SRBD1: variants seen among roughly 807,000 people sequenced by gnomAD.
SRBD1 encodes S1 RNA binding domain 1.
In SRBD1, 88 loss-of-function variants were observed where a neutral mutation model predicts 115.3. That is an observed-to-expected ratio of 0.76 (90% CI 0.64 to 0.91). The LOEUF (loss-of-function observed/expected upper bound fraction) is 0.91. Among genes scored for constraint, SRBD1 ranks in the 40% least tolerant of loss-of-function variants. SRBD1 has a pLI of 0.00. For missense variants in SRBD1, 1,385 were observed against 1,177.4 expected, an observed-to-expected ratio of 1.18 and a Z score of -2.58; for synonymous variants, 509 against 407.7, an observed-to-expected ratio of 1.25 and a Z score of -2.99.
At chr2:45,454,662 C>G (rs1386661703) in intron 16 of SRBD1, among the ~76,000 whole-genome samples, 1 of 151,734 alleles carries the variant, frequency 6.6e-6, no homozygotes, top group Non-Finnish European at 1.5e-5. Flanking sequence ...GTCTTATTGA[C>G]CAAACTCAAG....
At chr2:45,476,725 A>C (rs1669814319) in intron 16 of SRBD1, among the ~76,000 whole-genome samples, 1 of 152,226 alleles carries the variant, frequency 6.6e-6, no homozygotes, top group African/African-American at 2.4e-5. Flanking sequence ...CTCTCTCCAA[A>C]TTAGTTATTA....
chr2:45,595,194 C>T (rs1000661956), intron 4 of SRBD1, among the ~76,000 whole-genome samples: 1 of 152,108 alleles, frequency 6.6e-6, no homozygotes, highest in African/African-American at 2.4e-5. Flanking sequence ...CTATATAGTT[C>T]TGCCTCTCCA....
intron 14 of SRBD1, among the ~76,000 whole-genome samples, chr2:45,534,891 T>C (rs953934882): frequency 2.0e-5 from 3 of 152,004 alleles, no homozygotes; most frequent in Middle Eastern, 3.4e-3. Flanking sequence ...ACAGGGGAGA[T>C]CTGCTGCACA....
At chr2:45,412,934 G>T (rs1018511617) in intron 19 of SRBD1, among the ~76,000 whole-genome samples, 180 bp downstream of exon 19, 1 of 152,108 alleles carries the variant, frequency 6.6e-6, no homozygotes, top group Non-Finnish European at 1.5e-5. Flanking sequence ...AGGAGTAATG[G>T]TTTCATTCCT....
intron 16 of SRBD1, among the ~76,000 whole-genome samples, chr2:45,472,845 T>C (rs556223441): frequency 7.1e-4 from 108 of 152,304 alleles, no homozygotes; most frequent in Middle Eastern, 3.4e-3. Context: ...TCTTTCTTTT[T>C]CCTATTTCAT....
Position 45,510,510 on chromosome 2 carries a change from G to C in SRBD1, c.1875-22179C>G, listed in dbSNP as rs1350763512. 2.6e-5 allele frequency among the ~76,000 whole-genome samples: 4 copies of C among 152,024 alleles called. No individual in the cohort carries two copies. In the East Asian group the frequency reaches 7.7e-4, roughly 29 times the overall value. On this transcript the variant is annotated intron_variant, in intron 14 of 20. Coordinates refer to ENST00000263736, the MANE Select transcript of SRBD1 (RefSeq NM_018079.5). ...CACTGTGTTAGACTATTTTAGGTGA[G>C]GCTCCTATGAAAAAAACAGCCAAGC...
At chr2:45,515,985 C>T (rs17322405) in intron 14 of SRBD1, among the ~76,000 whole-genome samples, 51,743 of 151,922 alleles carry the variant, frequency 0.34, 9,743 homozygotes, top group Non-Finnish European at 0.43. Context: ...GCAGCCCCTG[C>T]CTTGCCCTCT....
At chr2:45,557,344 T>C (rs1412539079) in intron 10 of SRBD1, among the ~76,000 whole-genome samples, 1 of 152,192 alleles carries the variant, frequency 6.6e-6, no homozygotes, top group Admixed American at 6.5e-5. Flanking sequence ...AATGTATGTA[T>C]CTGATTTGTC....
At chr2:45,551,040 T>A in intron 12 of SRBD1, 85 bp downstream of exon 12, 2 of 1,467,884 alleles carry the variant, frequency 1.4e-6, no homozygotes, top group South Asian at 2.8e-5. Flanking sequence ...AAATTAACAT[T>A]ATTTCCAAAT....
At chr2:45,535,568 AT>A (rs1403544652) in intron 14 of SRBD1, among the ~76,000 whole-genome samples, 2 of 152,032 alleles carry the variant, frequency 1.3e-5, no homozygotes, top group Non-Finnish European at 2.9e-5. Context: ...ACAATTACCA[AT>A]AGTGGTATCA....
chr2:45,561,602 C>A (rs1181109792), intron 10 of SRBD1, among the ~76,000 whole-genome samples: 1 of 152,174 alleles, frequency 6.6e-6, no homozygotes, highest in Non-Finnish European at 1.5e-5. Flanking sequence ...CATCTCCTAG[C>A]TGCTAGGAAG....
At chr2:45,573,056 G>A (rs190097277) in intron 9 of SRBD1, 151 bp downstream of exon 9, 27 of 840,360 alleles carry the variant, frequency 3.2e-5, no homozygotes, top group African/African-American at 1.6e-4. Flanking sequence ...TTTGTGAAGC[G>A]GCAAGGATAT....
At chr2:45,562,085 G>A (rs1325640824) in intron 10 of SRBD1, among the ~76,000 whole-genome samples, 1 of 152,132 alleles carries the variant, frequency 6.6e-6, no homozygotes, top group East Asian at 1.9e-4. Context: ...CTTCTCCACA[G>A]AGATAATCAC....
intron 4 of SRBD1, among the ~76,000 whole-genome samples, chr2:45,596,569 C>T (rs1673900598): frequency 6.6e-6 from 1 of 152,088 alleles, no homozygotes; most frequent in Non-Finnish European, 1.5e-5. Flanking sequence ...TTTTTCTGAA[C>T]AAACAAAACT....
intron 5 of SRBD1, among the ~76,000 whole-genome samples, chr2:45,583,383 T>C (rs544965474): frequency 5.3e-5 from 8 of 152,298 alleles, no homozygotes; most frequent in African/African-American, 7.2e-5. Context: ...AAAAGCCAAT[T>C]CCTTTTGTCC....
At chr2:45,445,830 A>G (rs1317804454) in intron 16 of SRBD1, among the ~76,000 whole-genome samples, 4 of 152,198 alleles carry the variant, frequency 2.6e-5, no homozygotes, top group African/African-American at 9.6e-5. Context: ...TTTCCCCAGT[A>G]AAGTTCAACA....
At chr2:45,414,143 T>C (rs1052045099) in intron 18 of SRBD1, among the ~76,000 whole-genome samples, 1 of 152,194 alleles carries the variant, frequency 6.6e-6, no homozygotes, top group Non-Finnish European at 1.5e-5. Context: ...TTAAAGTTTC[T>C]GAGAGAAAAT....
intron 4 of SRBD1, among the ~76,000 whole-genome samples, chr2:45,591,239 T>C (rs1024996084): frequency 2.0e-5 from 3 of 152,196 alleles, no homozygotes; most frequent in African/African-American, 4.8e-5. Context: ...AACATGCAGA[T>C]TGATAACCTA....
intron 12 of SRBD1, 91 bp downstream of exon 12, chr2:45,551,034 T>G (rs1458868842): frequency 7.6e-6 from 11 of 1,447,158 alleles, no homozygotes; most frequent in Non-Finnish European, 1.0e-5. Flanking sequence ...CCTTTAAAAT[T>G]AACATTATTT....
Sources: gnomAD v4.1 joint callset for allele counts (sites outside exome capture counted in the v4.1 genomes callset) on GRCh38, gnomAD v4.1.1 for gene constraint, MANE v1.5 for transcripts, NCBI Gene and HGNC (gene_info 2026-07-23, HGNC 2026-07-21) for gene names.